The following ADGRL3 variants were observed in gnomAD, a reference collection of about 807,000 sequenced individuals.
ADGRL3 encodes adhesion G protein-coupled receptor L3.
ADGRL3 carries 62 observed loss-of-function variants against 153.5 expected under a neutral mutation model. The observed-to-expected ratio is 0.40, with a 90% confidence interval of 0.33 to 0.50. The LOEUF is 0.50. Ranked by LOEUF, ADGRL3 falls within the 20% of genes least tolerant of loss-of-function variation. The pLI is 0.47. For synonymous variants in ADGRL3, 710 were observed against 672.5 expected (o/e 1.06, Z -0.86); for missense variants, 1,641 against 1,859.4 (o/e 0.88, Z 2.16).
intron 22 of ADGRL3, among the ~76,000 whole-genome samples, chr4:62,029,701 GTTGT>G (rs1206450026): frequency 2.0e-5 from 2 of 101,186 alleles, no homozygotes; most frequent in Admixed American, 1.2e-4. Context: ...TCCTTCTTTT[GTTGT>G]TTTTTTTTTT....
chr4:62,002,145 T>C (rs1414988305), intron 21 of ADGRL3, among the ~76,000 whole-genome samples: 3 of 151,506 alleles, frequency 2.0e-5, no homozygotes, highest in African/African-American at 7.3e-5. Flanking sequence ...GAGAGATCTC[T>C]TGAAAAACTT....
chr4:61,252,174 C>T (rs1430572217), intron 1 of ADGRL3, among the ~76,000 whole-genome samples: 3 of 152,088 alleles, frequency 2.0e-5, no homozygotes, highest in Non-Finnish European at 4.4e-5. Context: ...TGAGCCACCG[C>T]GCCCAGCCCC....
At chr4:61,901,886 A>G (rs973909840) in intron 11 of ADGRL3, among the ~76,000 whole-genome samples, 1 of 152,192 alleles carries the variant, frequency 6.6e-6, no homozygotes, top group Non-Finnish European at 1.5e-5. Flanking sequence ...CACAAAACTC[A>G]TAACATTTCT....
At chr4:62,031,071 A>T (rs1478291885) in intron 22 of ADGRL3, among the ~76,000 whole-genome samples, 1 of 151,624 alleles carries the variant, frequency 6.6e-6, no homozygotes, top group Non-Finnish European at 1.5e-5. Flanking sequence ...AAATCAATCA[A>T]ACAAATGTTA....
At chr4:61,240,404 G>A (rs1337222027) in intron 1 of ADGRL3, among the ~76,000 whole-genome samples, 4 of 152,024 alleles carry the variant, frequency 2.6e-5, no homozygotes, top group Non-Finnish European at 4.4e-5. Flanking sequence ...CATAGCAGGA[G>A]TATTTTCCAA....
rs570148702 is a variant in ADGRL3 at position 61,345,049 on chromosome 4, C to T, written c.-239-38075C>T. 1.2e-4 allele frequency among the ~76,000 whole-genome samples: 18 copies of T among 151,832 alleles called. 1 individual carries two copies. The highest frequency in any genetic ancestry group is 6.2e-4 in the South Asian group (3 of 4,810). On this transcript the variant is annotated intron_variant, in intron 1 of 26. Coordinates refer to ENST00000683033, the MANE Select transcript of ADGRL3 (RefSeq NM_001387552.1). ...CTGACCTCAGGTGATCCATCCGCCTCGGCCTTTCAAAGTGCTGGGATTACA... is the reference window on the plus strand; with the variant it reads ...CTGACCTCAGGTGATCCATCCGCCTTGGCCTTTCAAAGTGCTGGGATTACA...
chr4:61,562,625 A>G (rs2098799842), intron 4 of ADGRL3, among the ~76,000 whole-genome samples: 1 of 152,090 alleles, frequency 6.6e-6, no homozygotes, highest in Admixed American at 6.6e-5. Flanking sequence ...CTTCTGTTCA[A>G]GTTTGATCAT....
chr4:61,532,569 T>TGC (rs1481153807), intron 4 of ADGRL3, among the ~76,000 whole-genome samples: 1 of 149,786 alleles, frequency 6.7e-6, no homozygotes, highest in Non-Finnish European at 1.5e-5. Context: ...TGTGTGTGTG[T>TGC]GTGTGTTTAA....
At chr4:61,900,590 G>A (rs977361767) in intron 11 of ADGRL3, among the ~76,000 whole-genome samples, 1 of 152,038 alleles carries the variant, frequency 6.6e-6, no homozygotes, top group Non-Finnish European at 1.5e-5. Flanking sequence ...AGCATAAGTT[G>A]TACAAAAGGG....
At chr4:61,574,008 T>A (rs1294418237) in intron 4 of ADGRL3, among the ~76,000 whole-genome samples, 1 of 152,022 alleles carries the variant, frequency 6.6e-6, no homozygotes, top group Non-Finnish European at 1.5e-5. Flanking sequence ...ACATTCATAG[T>A]TTATTTTTAA....
At chr4:61,317,104 T>C (rs962874938) in intron 1 of ADGRL3, among the ~76,000 whole-genome samples, 9 of 152,208 alleles carry the variant, frequency 5.9e-5, no homozygotes, top group Admixed American at 4.6e-4. Flanking sequence ...TTGAAACTTA[T>C]GGAAATAAAA....
intron 9 of ADGRL3, among the ~76,000 whole-genome samples, chr4:61,860,838 A>G (rs116752622): frequency 0.011 from 1,705 of 152,294 alleles, 33 homozygotes; most frequent in African/African-American, 0.039. Context: ...CTCTTACCAC[A>G]AATAACAAAA....
Position 61,733,474 on chromosome 4 carries a change from G to A in ADGRL3, c.1319G>A (p.Arg440Lys), listed in dbSNP as rs1027265490. ...ATTGCAGCTGTGGATTACAACCCCA[G>A]GGACAACCTACTTTATGTATGGAAT... ...QYIAAVDYNP[R>K]DNLLYVWNNY... The change falls in exon 8 of 27, where the codon AGG (arginine) becomes AAG (lysine). Residue 440 changes from arginine (R) to lysine (K), a missense_variant. Arg to Lys is a conservative substitution (Grantham distance 26). Coordinates refer to ENST00000683033, the MANE Select transcript of ADGRL3 (RefSeq NM_001387552.1). 2 of 1,613,514 alleles carry A rather than the reference G, an allele frequency of 1.2e-6. No individual in the cohort carries two copies. The highest frequency in any genetic ancestry group is 1.3e-5 in the African/African-American group (1 of 74,884).
intron 2 of ADGRL3, among the ~76,000 whole-genome samples, chr4:61,470,105 C>A (rs1326594687): frequency 6.6e-6 from 1 of 151,906 alleles, no homozygotes; most frequent in Non-Finnish European, 1.5e-5. Context: ...AAATCATACT[C>A]CTAATGGGAG....
At chr4:61,481,165 G>A (rs1013666913) in intron 2 of ADGRL3, among the ~76,000 whole-genome samples, 3 of 152,156 alleles carry the variant, frequency 2.0e-5, no homozygotes, top group Admixed American at 2.0e-4. Flanking sequence ...TCAATGATAG[G>A]ATTTAATCAA....
chr4:61,304,157 G>T (rs552223632), intron 1 of ADGRL3, among the ~76,000 whole-genome samples: 8 of 152,270 alleles, frequency 5.3e-5, no homozygotes, highest in South Asian at 2.1e-4. Context: ...CACCTATGTT[G>T]CTTTTCTGCT....
At chr4:61,443,078 G>T (rs2152478574) in intron 2 of ADGRL3, among the ~76,000 whole-genome samples, 1 of 152,266 alleles carries the variant, frequency 6.6e-6, no homozygotes, top group South Asian at 2.1e-4. Flanking sequence ...TAAATCCAGT[G>T]CACTGTTTCT....
Position 61,467,895 on chromosome 4 carries a change from A to G in ADGRL3, c.-173-29226A>G, listed in dbSNP as rs540732192. On this transcript the variant is annotated intron_variant, in intron 2 of 26. Transcript: ENST00000683033. The stretch of plus-strand genomic sequence containing the variant: ...ATCTTAATGGTCCTATGTATGTATA[A>G]CATACAATAATTTGGCATTAAGTAA... Among the ~76,000 whole-genome samples the G allele has an allele frequency of 4.6e-5, 7 of 152,280 alleles. No homozygotes were observed. The East Asian group carries it at 9.7e-4, about 21-fold the overall frequency.
In ADGRL3 at chr4:61,401,646, T is replaced by G. The variant is rs937545890; in HGVS notation, c.-174+18457T>G. Among the ~76,000 whole-genome samples the G allele has an allele frequency of 3.2e-4, 49 of 152,040 alleles. 1 individual carries two copies. Among genetic ancestry groups the G allele is most frequent in the African/African-American group, 1.2e-3 (48 of 41,440 alleles). On this transcript the variant is annotated intron_variant, in intron 2 of 26. Transcript: ENST00000683033. ...TTTCAGGAAACATATGGTCTAGTGG[T>G]ATTTTTGTCAAAAATAAGTAAACAT...
Sources: allele counts gnomAD v4.1 joint callset (sites outside exome capture counted in the v4.1 genomes callset), GRCh38; gene constraint gnomAD v4.1.1; transcripts MANE v1.5; gene names NCBI Gene and HGNC (gene_info 2026-07-23, HGNC 2026-07-21).